Variants in BCKDHB observed in about 807,000 individuals in gnomAD.
BCKDHB encodes the protein 2-oxoisovalerate dehydrogenase subunit beta, mitochondrial.
Under a neutral mutation model 48.5 loss-of-function variants are expected in BCKDHB, and 41 were observed. The ratio of observed to expected loss-of-function variants is 0.85; its 90% CI spans 0.66 to 1.10. The LOEUF (loss-of-function observed/expected upper bound fraction) is 1.10, where lower values mean the gene tolerates loss of function less well. Among genes scored for constraint, BCKDHB ranks in the 50% least tolerant of loss-of-function variants. The pLI is 0.00. For missense variants in BCKDHB, 496 were observed against 494.2 expected (o/e 1.00, Z -0.03); for synonymous variants, 201 against 174.8 (o/e 1.15, Z -1.18).
intron 9 of BCKDHB, among the ~76,000 whole-genome samples, chr6:80,276,284 A>G (rs928062489): frequency 2.0e-5 from 3 of 152,006 alleles, no homozygotes; most frequent in African/African-American, 7.2e-5. Flanking sequence ...TATTAATAGT[A>G]AAGTTATTGT....
In BCKDHB at chr6:80,167,717, G is replaced by A; in HGVS notation, c.383G>A (p.Gly128Glu). The A allele has an allele frequency of 1.2e-6, 2 of 1,611,932 alleles. No homozygotes were observed. The highest frequency in any genetic ancestry group is 1.7e-6 in the Non-Finnish European group (2 of 1,178,088). The change falls in exon 4 of 10, where the codon GGA (glycine) becomes GAA (glutamate). Residue 128 changes from glycine (G) to glutamate (E), a missense_variant. Gly to Glu is a moderately conservative substitution (Grantham distance 98). Coordinates refer to ENST00000320393, the MANE Select transcript of BCKDHB (RefSeq NM_183050.4). Reference sequence around the variant, plus strand: ...TTTAATACCCCATTGTGTGAACAAGGAATTGTTGGATTTGGAATCGGAATT... The same window carrying A: ...TTTAATACCCCATTGTGTGAACAAGAAATTGTTGGATTTGGAATCGGAATT... ...RVFNTPLCEQ[G>E]IVGFGIGIAV...
chr6:80,204,736 A>G (rs1317146700), intron 8 of BCKDHB, among the ~76,000 whole-genome samples: 1 of 152,128 alleles, frequency 6.6e-6, no homozygotes, highest in Non-Finnish European at 1.5e-5. Flanking sequence ...AAGCACAAGT[A>G]TACTAATACT....
intron 9 of BCKDHB, among the ~76,000 whole-genome samples, chr6:80,332,769 GTCAGAATCAGGTTCAAA>G (rs1480227862): frequency 3.4e-5 from 5 of 147,848 alleles, no homozygotes; most frequent in Non-Finnish European, 5.9e-5. Flanking sequence ...CAAATCTCAA[GTCAGAATCAGGTTCAAA>G]TCAGAATTCA....
rs181780324 is a variant in BCKDHB, at chr6:80,247,810, G to T, written c.952-25325G>T. ...TTACCATTGTGAATTGCTGCTAATG[G>T]CCACGTTAGTGGAAGTCTATGTTGT... On this transcript the variant is annotated intron_variant, in intron 8 of 9. Transcript: ENST00000320393. Among the ~76,000 whole-genome samples, 6 of 152,280 alleles carry T rather than the reference G, an allele frequency of 3.9e-5. No homozygotes were observed. The South Asian group carries it at 1.0e-3, about 26-fold the overall frequency.
intron 8 of BCKDHB, among the ~76,000 whole-genome samples, chr6:80,254,911 C>T (rs186736220): frequency 6.6e-6 from 1 of 151,026 alleles, no homozygotes; most frequent in African/African-American, 2.5e-5. Flanking sequence ...GCCAGATAGA[C>T]AGACAGACAG....
chr6:80,370,492 A>G, the BCKDHB span, among the ~76,000 whole-genome samples: 1 of 152,042 alleles, frequency 6.6e-6, no homozygotes, highest in Non-Finnish European at 1.5e-5. Context: ...ATTTTGGTGC[A>G]CCCATCACCA....
At chr6:80,303,263 G>A (rs756945618) in intron 9 of BCKDHB, among the ~76,000 whole-genome samples, 4 of 152,004 alleles carry the variant, frequency 2.6e-5, no homozygotes, top group Non-Finnish European at 4.4e-5. Flanking sequence ...AGTATCCACT[G>A]GCATCGAGGT....
At chr6:80,109,073 T>C (rs768252085) in intron 1 of BCKDHB, among the ~76,000 whole-genome samples, 3 of 152,314 alleles carry the variant, frequency 2.0e-5, no homozygotes, top group Admixed American at 6.5e-5. Flanking sequence ...AACTGTTCCA[T>C]GGAGTAGAGA....
the BCKDHB span, among the ~76,000 whole-genome samples, chr6:80,400,485 A>T: frequency 5.9e-5 from 9 of 152,186 alleles, no homozygotes; most frequent in African/African-American, 2.2e-4. Flanking sequence ...AACATCACTG[A>T]TCATTAGAAA....
the BCKDHB span, among the ~76,000 whole-genome samples, chr6:80,424,454 C>A: frequency 1.3e-5 from 2 of 151,942 alleles, no homozygotes; most frequent in Non-Finnish European, 2.9e-5. Flanking sequence ...GTAATATAAC[C>A]CAGATTAATG....
intron 1 of BCKDHB, among the ~76,000 whole-genome samples, chr6:80,110,118 A>G (rs114713618): frequency 3.5e-4 from 53 of 152,348 alleles, no homozygotes; most frequent in African/African-American, 1.2e-3. Context: ...TGAGTTGGTG[A>G]CACTTATGCT....
intron 6 of BCKDHB, among the ~76,000 whole-genome samples, chr6:80,184,654 T>C (rs540624703): frequency 2.0e-5 from 3 of 152,212 alleles, no homozygotes; most frequent in Non-Finnish European, 4.4e-5. Flanking sequence ...TTTCAGCATT[T>C]GTTTATCTGA....
the BCKDHB span, among the ~76,000 whole-genome samples, chr6:80,379,259 C>G: frequency 6.6e-6 from 1 of 151,974 alleles, no homozygotes; most frequent in Non-Finnish European, 1.5e-5. Flanking sequence ...GGGCTTTATT[C>G]CAGGGAGGCA....
intron 8 of BCKDHB, among the ~76,000 whole-genome samples, chr6:80,209,515 A>C (rs1562138878): frequency 6.6e-6 from 1 of 152,038 alleles, no homozygotes; most frequent in Non-Finnish European, 1.5e-5. Flanking sequence ...GAATAAAATA[A>C]GAGTCTAGAA....
intron 8 of BCKDHB, among the ~76,000 whole-genome samples, chr6:80,246,399 C>T (rs1175167998): frequency 6.6e-6 from 1 of 152,138 alleles, no homozygotes; most frequent in African/African-American, 2.4e-5. Context: ...ACAATTGGGG[C>T]ATCTTGTGGT....
At chr6:80,352,653 A>G in the BCKDHB span, among the ~76,000 whole-genome samples, 1 of 152,214 alleles carries the variant, frequency 6.6e-6, no homozygotes, top group Admixed American at 6.5e-5. Flanking sequence ...TTAATAAAGT[A>G]TACTTTGGGA....
At chr6:80,293,601 G>A (rs4706830) in intron 9 of BCKDHB, among the ~76,000 whole-genome samples, 139,522 of 152,230 alleles carry the variant, frequency 0.92, 64,027 homozygotes, top group East Asian at 0.99. Flanking sequence ...TGTCTTGGTG[G>A]TTAACATTGG....
the BCKDHB span, among the ~76,000 whole-genome samples, chr6:80,456,675 G>T: frequency 6.6e-6 from 1 of 152,190 alleles, no homozygotes; most frequent in Non-Finnish European, 1.5e-5. Flanking sequence ...GTGGCTCAAT[G>T]TACTGTAAGA....
At chr6:80,397,473 A>G in the BCKDHB span, among the ~76,000 whole-genome samples, 1 of 152,198 alleles carries the variant, frequency 6.6e-6, no homozygotes. Context: ...AGCAGAGGTA[A>G]TATCTTTTCA....
Sources: gnomAD v4.1 joint callset for allele counts (sites outside exome capture counted in the v4.1 genomes callset) on GRCh38, gnomAD v4.1.1 for gene constraint, MANE v1.5 for transcripts, NCBI Gene and HGNC (gene_info 2026-07-23, HGNC 2026-07-21) for gene names.